Variants in VAV2 observed in about 807,000 individuals in gnomAD.
VAV2 encodes vav guanine nucleotide exchange factor 2.
VAV2 carries 67 observed loss-of-function variants against 132.5 expected under a neutral mutation model. That is an observed-to-expected ratio of 0.51 (90% CI 0.42 to 0.62). The LOEUF (loss-of-function observed/expected upper bound fraction) is 0.62. Ranked by LOEUF, VAV2 falls within the 20% of genes least tolerant of loss-of-function variation. VAV2 has a pLI of 0.00. For synonymous variants in VAV2, 492 were observed against 443.5 expected (o/e 1.11, Z -1.37); for missense variants, 938 against 1,153.6 (o/e 0.81, Z 2.71).
chr9:133,916,689 G>A (rs886967577), intron 2 of VAV2, among the ~76,000 whole-genome samples: 5 of 152,156 alleles, frequency 3.3e-5, no homozygotes, highest in East Asian at 1.9e-4. Context: ...AGAGGCTCAC[G>A]GCTGGGCCTC....
rs921910076 is a variant in VAV2, at chr9:133,961,651, G to T, written c.205-22432C>A. On this transcript the variant is annotated intron_variant, in intron 1 of 29. Transcript: ENST00000371850. The surrounding 1 kb of genome is among the most constrained non-coding windows in gnomAD (Gnocchi z 4.1). ...CCAGGTGCTCCAGTCCCCAGAGCAC[G>T]CATAAGCCTCAGCCAGTTTTACTTC... is the stretch of plus-strand genomic sequence containing the variant. Among the ~76,000 whole-genome samples the T allele has an allele frequency of 1.3e-5, 2 of 152,210 alleles. No homozygotes were observed. Among genetic ancestry groups the T allele is most frequent in the Non-Finnish European group, 2.9e-5 (2 of 68,040 alleles).
chr9:133,861,527 T>C (rs2131868359), intron 2 of VAV2, 95 bp from the exon 3 acceptor site: 4 of 1,386,808 alleles, frequency 2.9e-6, no homozygotes, highest in Non-Finnish European at 4.0e-6. Context: ...CGTCGAGAAC[T>C]GTTAACTGAG....
chr9:133,805,436 C>T (rs1447840636), intron 9 of VAV2, among the ~76,000 whole-genome samples: 2 of 152,146 alleles, frequency 1.3e-5, no homozygotes, highest in African/African-American at 2.4e-5. Flanking sequence ...TCGAGACTTC[C>T]GTGGCTGGAA....
At chr9:133,778,539 C>T (rs535892026) in intron 22 of VAV2, among the ~76,000 whole-genome samples, 14 of 152,220 alleles carry the variant, frequency 9.2e-5, no homozygotes, top group African/African-American at 1.2e-4. Context: ...AAAGCAAACA[C>T]CCGGGGAGCC....
Position 133,796,515 on chromosome 9 carries a change from G to C in VAV2, c.946C>G (p.Leu316Val). 1 of 1,613,508 alleles carries C rather than the reference G, an allele frequency of 6.2e-7. No homozygotes were observed. The highest frequency in any genetic ancestry group is 8.5e-7 in the Non-Finnish European group (1 of 1,179,862). Residue 316 changes from leucine to valine, a missense_variant, in exon 11 of 30, where the codon CTG (leucine) becomes GTG (valine). Physicochemically the swap from Leu to Val is conservative, Grantham distance 32 (BLOSUM62 1). Coordinates refer to ENST00000371850, the MANE Select transcript of VAV2 (RefSeq NM_001134398.2). The stretch of plus-strand genomic sequence containing the variant: ...TTAAATTTTCCATCCTGGACCTTCA[G>C]TGTGCACTCCTGGGAGGGCGACAGG... ...DFRQKVEECT[L>V]KVQDGKFKLQ...
At chr9:133,822,060 G>A (rs1835808987) in intron 4 of VAV2, among the ~76,000 whole-genome samples, 1 of 152,084 alleles carries the variant, frequency 6.6e-6, no homozygotes, top group Admixed American at 6.5e-5. Context: ...TTCACCTTCT[G>A]CCCGAGACCC....
intron 3 of VAV2, among the ~76,000 whole-genome samples, chr9:133,856,531 T>C (rs1349787548): frequency 1.3e-5 from 2 of 151,452 alleles, no homozygotes; most frequent in African/African-American, 4.9e-5. Flanking sequence ...ACACGCCACA[T>C]AGCTGGGCCT....
At chr9:133,795,150 A>G (rs1834656065) in intron 12 of VAV2, among the ~76,000 whole-genome samples, 1 of 152,238 alleles carries the variant, frequency 6.6e-6, no homozygotes, top group Admixed American at 6.5e-5. Context: ...CTTCATGGGC[A>G]GAGGGAGCCA....
intron 2 of VAV2, among the ~76,000 whole-genome samples, chr9:133,887,643 A>G (rs1351417896): frequency 6.6e-6 from 1 of 152,056 alleles, no homozygotes; most frequent in Non-Finnish European, 1.5e-5. Context: ...TACCCCCAGC[A>G]GAGACCCTCC....
intron 11 of VAV2, 50 bp downstream of exon 11, chr9:133,796,379 C>A: frequency 6.5e-7 from 1 of 1,548,612 alleles, no homozygotes; most frequent in South Asian, 1.2e-5. Context: ...CAGCCCTCAT[C>A]TGACTCCAGC....
rs1838566135 is a variant in VAV2 at position 133,883,131 on chromosome 9, C to G, written c.322-21699G>C. On this transcript the variant is annotated intron_variant, in intron 2 of 29. Transcript: ENST00000371850. This position sits in a 1 kb window ranked among gnomAD's most constrained non-coding sequence, Gnocchi z 4.2. ...GCTGCTCTCTCTGGATCCTTCCCTCCTAATTGGCATGGAAAGTCAAGTCCC... is the reference window on the plus strand; with the variant it reads ...GCTGCTCTCTCTGGATCCTTCCCTCGTAATTGGCATGGAAAGTCAAGTCCC... 6.6e-6 allele frequency among the ~76,000 whole-genome samples: 1 copy of G among 152,226 alleles called. No homozygotes were observed. Among genetic ancestry groups the G allele is most frequent in the Non-Finnish European group, 1.5e-5 (1 of 68,044 alleles).
rs1167015423 is a variant in VAV2 at position 133,762,261 on chromosome 9, C to T, written c.*1801G>A. 2 of 152,602 alleles carry T rather than the reference C, an allele frequency of 1.3e-5. No homozygotes were observed. Among genetic ancestry groups the T allele is most frequent in the African/African-American group, 2.4e-5 (1 of 41,444 alleles). The allele number at this position is 152,602 out of a possible 1,614,324, so 9.5% of individuals were successfully genotyped here. A position where few individuals can be genotyped will look rare whatever the true frequency, so the allele number is the denominator to read the frequency against. ...TAAATTATTTTTTCTCAGTGTCCTTCGTGATCATGATGACTTATTTGTCAA... is the reference window on the plus strand; with the variant it reads ...TAAATTATTTTTTCTCAGTGTCCTTTGTGATCATGATGACTTATTTGTCAA... On this transcript the variant is annotated 3_prime_UTR_variant, in exon 30 of 30. Coordinates refer to ENST00000371850, the MANE Select transcript of VAV2 (RefSeq NM_001134398.2). The surrounding 1 kb of genome is among the most constrained non-coding windows in gnomAD (Gnocchi z 5.0).
intron 1 of VAV2, among the ~76,000 whole-genome samples, chr9:133,959,184 C>T (rs558437976): frequency 1.8e-4 from 27 of 152,202 alleles, no homozygotes; most frequent in Admixed American, 3.3e-4. Context: ...CTGCCACCAA[C>T]AGTCCTCAAC....
At chr9:133,764,373 A>G (rs1490130761) in intron 29 of VAV2, among the ~76,000 whole-genome samples, 1 of 152,204 alleles carries the variant, frequency 6.6e-6, no homozygotes, top group Non-Finnish European at 1.5e-5. Flanking sequence ...GAGGAAAAGA[A>G]CATCACCCAG....
intron 24 of VAV2, 40 bp downstream of exon 24, chr9:133,775,988 G>T (rs1833795819): frequency 6.4e-7 from 1 of 1,572,614 alleles, no homozygotes; most frequent in Non-Finnish European, 8.7e-7. Flanking sequence ...TAACAAAGAG[G>T]CCACCAGATG....
Position 133,785,802 on chromosome 9 carries a change from C to T in VAV2, c.1506G>A (p.Lys502=). The T allele has an allele frequency of 6.2e-7, 1 of 1,614,074 alleles. No individual in the cohort carries two copies. The change falls in exon 17 of 30, where the codon AAG becomes AAA. Residue 502 remains lysine (K), a synonymous_variant. Coordinates refer to ENST00000371850, the MANE Select transcript of VAV2 (RefSeq NM_001134398.2). ...TGGCCATCTCAAACTGCTCCATCCA[C>T]TTCCTCTTCATATCTTCTGTTTTGC... The part of the protein sequence containing the change: ...FFCKTEDMKR[K]WMEQFEMAMS...
At position 133,797,693 on chromosome 9, in the gene VAV2, C is replaced by A; in HGVS notation, c.936+17G>T. 6.2e-7 allele frequency: 1 copy of A among 1,608,070 alleles called. No individual in the cohort carries two copies. Among genetic ancestry groups the A allele is most frequent in the Non-Finnish European group, 8.5e-7 (1 of 1,177,074 alleles). On this transcript the variant is annotated intron_variant, in intron 10 of 29. Transcript: ENST00000371850. ...ACCTTGGAGCCAGGGCCAGGGCCAA[C>A]GCCTGGCAGGACTTACCTCGACTTT...
intron 21 of VAV2, 23 bp from the exon 22 acceptor site, chr9:133,778,912 C>T: frequency 6.2e-7 from 1 of 1,608,154 alleles, no homozygotes. Context: ...GGACAGCTCA[C>T]TCAGTGACTC....
At chr9:133,842,774 G>A (rs1205388067) in intron 3 of VAV2, among the ~76,000 whole-genome samples, 3 of 152,210 alleles carry the variant, frequency 2.0e-5, no homozygotes, top group Admixed American at 6.5e-5. Flanking sequence ...AGAGAACAGC[G>A]CGGGCAGAGG....
Sources: gnomAD v4.1 joint callset for allele counts (sites outside exome capture counted in the v4.1 genomes callset) on GRCh38, gnomAD v4.1.1 for gene constraint, Gnocchi (gnomAD v3.1) non-coding constraint, MANE v1.5 for transcripts, NCBI Gene and HGNC (gene_info 2026-07-23, HGNC 2026-07-21) for gene names.